FREM2: variants seen among roughly 807,000 people sequenced by gnomAD.
The protein encoded by FREM2 is FRAS1-related extracellular matrix protein 2.
FREM2 carries 119 observed loss-of-function variants against 219.9 expected under a neutral mutation model. The observed-to-expected ratio is 0.54, with a 90% CI of 0.47 to 0.63. The LOEUF is 0.63. FREM2 is among the 30% of genes least tolerant of loss of function. The pLI is 0.00. For synonymous variants in FREM2, 1,562 were observed against 1,522.8 expected (o/e 1.03, Z -0.60); for missense variants, 4,030 against 3,993.6 (o/e 1.01, Z -0.25).
intron 2 of FREM2, among the ~76,000 whole-genome samples, chr13:38,728,405 C>T (rs1871618530): frequency 6.6e-6 from 1 of 151,930 alleles, no homozygotes; most frequent in Non-Finnish European, 1.5e-5. Flanking sequence ...GGGATCCCCA[C>T]ACTATTATTA....
chr13:38,839,954 G>C (rs1876882477), intron 6 of FREM2, among the ~76,000 whole-genome samples: 1 of 152,102 alleles, frequency 6.6e-6, no homozygotes, highest in Non-Finnish European at 1.5e-5. Flanking sequence ...CCCCTTTCCA[G>C]GGGAGTGAAT....
intron 2 of FREM2, among the ~76,000 whole-genome samples, chr13:38,760,790 C>T (rs528094911): frequency 6.6e-6 from 1 of 151,920 alleles, no homozygotes; most frequent in Non-Finnish European, 1.5e-5. Flanking sequence ...GCTCCCAGAA[C>T]TCCTGGATCA....
intron 2 of FREM2, among the ~76,000 whole-genome samples, chr13:38,698,129 A>G (rs1295846961): frequency 1.3e-5 from 2 of 152,202 alleles, no homozygotes; most frequent in African/African-American, 4.8e-5. Context: ...ATTCAGCTGC[A>G]GTTCCACTCA....
At chr13:38,853,633 T>A (rs1487453728) in intron 11 of FREM2, among the ~76,000 whole-genome samples, 1 of 152,210 alleles carries the variant, frequency 6.6e-6, no homozygotes, top group Non-Finnish European at 1.5e-5. Context: ...CAAAGGAGCT[T>A]GTATATTCTT....
Position 38,878,129 on chromosome 13 carries a change from T to C in FREM2, c.8672-5T>C. ...AGAAATAACATTTCCACATCTCTAT[T>C]TCAGGTGATATAATTTATGGTCGTG... On this transcript the variant is annotated splice_polypyrimidine_tract_variant and splice_region_variant and intron_variant, in intron 21 of 23. Transcript: ENST00000280481. The C allele has an allele frequency of 6.2e-7, 1 of 1,610,470 alleles. No homozygotes were observed. The highest frequency in any genetic ancestry group is 8.5e-7 in the Non-Finnish European group (1 of 1,176,700).
intron 16 of FREM2, among the ~76,000 whole-genome samples, chr13:38,867,765 G>A (rs1232588485): frequency 6.6e-6 from 1 of 152,208 alleles, no homozygotes; most frequent in South Asian, 2.1e-4. Context: ...TCCCAGCTCC[G>A]AGAAAGAGAG....
chr13:38,762,846 G>A (rs899251835), intron 2 of FREM2, among the ~76,000 whole-genome samples: 4 of 152,110 alleles, frequency 2.6e-5, no homozygotes, highest in African/African-American at 9.7e-5. Context: ...ATTTTACGAA[G>A]CTACATTCAC....
chr13:38,708,010 T>A (rs1205309182), intron 2 of FREM2, among the ~76,000 whole-genome samples: 2 of 152,348 alleles, frequency 1.3e-5, no homozygotes, highest in African/African-American at 2.4e-5. Flanking sequence ...TGAGTAGGAT[T>A]CCCACACATT....
At chr13:38,753,971 AT>A (rs1391747278) in intron 2 of FREM2, among the ~76,000 whole-genome samples, 2 of 137,386 alleles carry the variant, frequency 1.5e-5, no homozygotes, top group South Asian at 4.9e-4. Flanking sequence ...ATTTTATTTT[AT>A]TTTTTATTTT....
intron 1 of FREM2, 57 bp from the exon 2 acceptor site, chr13:38,697,641 A>T (rs2138079099): frequency 2.0e-6 from 2 of 995,388 alleles, no homozygotes; most frequent in Admixed American, 3.4e-5. Context: ...ATTTACCATA[A>T]TGAATCATCA....
At chr13:38,732,246 T>G (rs1264936801) in intron 2 of FREM2, among the ~76,000 whole-genome samples, 2 of 152,220 alleles carry the variant, frequency 1.3e-5, no homozygotes, top group Non-Finnish European at 2.9e-5. Context: ...TCCTGGATTT[T>G]TAATGCTAGG....
At chr13:38,790,356 A>C (rs987484441) in intron 6 of FREM2, among the ~76,000 whole-genome samples, 2 of 152,258 alleles carry the variant, frequency 1.3e-5, no homozygotes, top group East Asian at 3.9e-4. Context: ...TCATTTAGCT[A>C]GTACTCTATT....
intron 6 of FREM2, among the ~76,000 whole-genome samples, chr13:38,843,790 A>G (rs1275616066): frequency 2.0e-5 from 3 of 152,182 alleles, no homozygotes; most frequent in South Asian, 4.1e-4. Context: ...AAACATAATC[A>G]TTACTTCTTT....
At position 38,687,304 on chromosome 13, in the gene FREM2, A is replaced by G. The variant is rs1033959268; in HGVS notation, c.-41A>G. On this transcript the variant is annotated 5_prime_UTR_variant, in exon 1 of 24. The change abolishes an upstream ATG in the 5' untranslated region. Coordinates refer to ENST00000280481, the MANE Select transcript of FREM2 (RefSeq NM_207361.6). ...TTGTCTGCCCGGGGACCGACTTCGC[A>G]TGCTCTCAGGCTGACCTGTCCAAGC... 1 of 1,566,658 alleles carries G rather than the reference A, an allele frequency of 6.4e-7. No homozygotes were observed. Among genetic ancestry groups the G allele is most frequent in the Non-Finnish European group, 8.7e-7 (1 of 1,155,686 alleles).
chr13:38,784,787 A>C lies in FREM2; in HGVS notation c.5998A>C (p.Ile2000Leu). ...GSEFPGAQVT[I>L]VPDKDDEPIF... ...AGAGTTCCCAGGGGCTCAAGTTACA[A>C]TCGTTCCTGACAAAGATGATGGTGA... Residue 2000 changes from isoleucine (I) to leucine (L), a missense_variant, in exon 6 of 24, where the codon ATC (isoleucine) becomes CTC (leucine). Ile to Leu is a conservative substitution (Grantham distance 5). Coordinates refer to ENST00000280481, the MANE Select transcript of FREM2 (RefSeq NM_207361.6). 1 of 1,614,196 alleles carries C rather than the reference A, an allele frequency of 6.2e-7. No individual in the cohort carries two copies. Among genetic ancestry groups the C allele is most frequent in the African/African-American group, 1.3e-5 (1 of 75,074 alleles).
chr13:38,705,910 G>T (rs536175918), intron 2 of FREM2, among the ~76,000 whole-genome samples: 1 of 152,288 alleles, frequency 6.6e-6, no homozygotes, highest in South Asian at 2.1e-4. Flanking sequence ...TTGGTAGAAA[G>T]ATGGGGGAAT....
At chr13:38,760,855 T>C (rs1363698314) in intron 2 of FREM2, among the ~76,000 whole-genome samples, 1 of 151,756 alleles carries the variant, frequency 6.6e-6, no homozygotes, top group Admixed American at 6.6e-5. Flanking sequence ...TAAATATATA[T>C]AGGATATAAG....
intron 2 of FREM2, among the ~76,000 whole-genome samples, chr13:38,721,348 G>A (rs1871239931): frequency 6.6e-6 from 1 of 152,120 alleles, no homozygotes; most frequent in Non-Finnish European, 1.5e-5. Context: ...CATAGGTAGG[G>A]TCAGAGATGG....
rs1237691042 is a variant in FREM2, at chr13:38,848,783, C to T, written c.6379+113C>T. The T allele has an allele frequency of 7.1e-6, 7 of 979,652 alleles. No individual in the cohort carries two copies. In the Admixed American group the frequency reaches 1.3e-4, roughly 19 times the overall value. The allele number at this position is 979,652 out of a possible 1,614,324, so 60.7% of individuals were successfully genotyped here. A position where few individuals can be genotyped will look rare whatever the true frequency, so the allele number is the denominator to read the frequency against. ...TATATTTGTTTGTTTGCTAGGGCTT[C>T]CATAACAAAGTAGCACTGTCGGGGT... is the stretch of plus-strand genomic sequence containing the variant. On this transcript the variant is annotated intron_variant, in intron 8 of 23. Coordinates refer to ENST00000280481, the MANE Select transcript of FREM2 (RefSeq NM_207361.6).
Sources: gnomAD v4.1 joint callset for allele counts (sites outside exome capture counted in the v4.1 genomes callset) on GRCh38, gnomAD v4.1.1 for gene constraint, MANE v1.5 for transcripts, NCBI Gene and HGNC (gene_info 2026-07-23, HGNC 2026-07-21) for gene names.